The following FEZ1 variants were observed in gnomAD, a reference collection of about 807,000 sequenced individuals.
The protein encoded by FEZ1 is fasciculation and elongation protein zeta 1.
FEZ1 carries 20 observed loss-of-function variants against 49.3 expected under a neutral mutation model. That is an observed-to-expected ratio of 0.41 (90% CI 0.29 to 0.59). The LOEUF is 0.59. Ranked by LOEUF, FEZ1 falls within the 20% of genes least tolerant of loss-of-function variation. The pLI is 0.36. For missense variants in FEZ1, 413 were observed against 476.0 expected (o/e 0.87, Z 1.23); for synonymous variants, 170 against 180.9 (o/e 0.94, Z 0.48).
chr11:125,455,866 C>T lies in FEZ1; in HGVS notation c.908G>A (p.Arg303Gln), dbSNP rs559483840. The stretch of plus-strand genomic sequence containing the variant: ...AGGCATCTGGTTTCCCTTCTCTATC[C>T]GGCTGCTCTGCAGGCTCAGCCCTTT... ...KEKGLSLQSS[R>Q]IEKGNQMPLK... is the part of the protein sequence containing the mutation. The change falls in exon 6 of 10, where the codon CGG becomes CAG. Residue 303 changes from arginine (R) to glutamine (Q), a missense_variant. Arg to Gln is a conservative substitution (Grantham distance 43, BLOSUM62 1). Coordinates refer to ENST00000278919, the MANE Select transcript of FEZ1 (RefSeq NM_005103.5). 37 of 1,613,832 alleles carry T rather than the reference C, an allele frequency of 2.3e-5. No individual in the cohort carries two copies. Among genetic ancestry groups the T allele is most frequent in the Admixed American group, 1.0e-4 (6 of 59,968 alleles).
chr11:125,495,676 TC>T lies in FEZ1; in HGVS notation c.-46+444del. ...TTACGGTGACTGGACCAGATAACGG[TC>T]CCGGGACGAGGTACCGACCCACTGC... On this transcript the variant is annotated intron_variant, in intron 1 of 9. Coordinates refer to ENST00000278919, the MANE Select transcript of FEZ1 (RefSeq NM_005103.5). This position sits in a 1 kb window ranked among gnomAD's most constrained non-coding sequence, Gnocchi z 4.2. 5.2e-6 allele frequency: 2 copies of T among 387,514 alleles called. No individual in the cohort carries two copies. 24.0% of individuals were successfully genotyped at this position (387,514 alleles called of 1,614,324 possible).
intron 4 of FEZ1, among the ~76,000 whole-genome samples, chr11:125,461,621 A>C (rs1002862221): frequency 1.9e-4 from 29 of 152,192 alleles, no homozygotes; most frequent in East Asian, 3.9e-4. Context: ...ACAACAACAA[A>C]AAAAAGAGTG....
At position 125,460,682 on chromosome 11, in the gene FEZ1, G is replaced by A. The variant is rs372437269; in HGVS notation, c.499-16C>T. 280 of 1,610,872 alleles carry A rather than the reference G, an allele frequency of 1.7e-4. No individual in the cohort carries two copies. Among genetic ancestry groups the A allele is most frequent in the Non-Finnish European group, 2.2e-4 (261 of 1,178,962 alleles). ...CCTCAATTACCTGAAGAAGGTACAC[G>A]AGAGAGTGCTAACTCTGTTCTCTGC... On this transcript the variant is annotated splice_polypyrimidine_tract_variant and intron_variant, in intron 4 of 9. Transcript: ENST00000278919.
chr11:125,457,709 C>A (rs1161459967), intron 5 of FEZ1, among the ~76,000 whole-genome samples: 3 of 151,678 alleles, frequency 2.0e-5, no homozygotes, highest in African/African-American at 7.3e-5. Context: ...ACATGCAATG[C>A]ATAATAATCA....
At chr11:125,490,237 C>A (rs1957368347) in intron 1 of FEZ1, among the ~76,000 whole-genome samples, 1 of 152,174 alleles carries the variant, frequency 6.6e-6, no homozygotes, top group Admixed American at 6.5e-5. Flanking sequence ...ACTATGTGAT[C>A]TGAAAGCTGA....
At chr11:125,475,715 A>T (rs917957826) in intron 3 of FEZ1, among the ~76,000 whole-genome samples, 1 of 152,086 alleles carries the variant, frequency 6.6e-6, no homozygotes, top group Non-Finnish European at 1.5e-5. Flanking sequence ...AAACCTGCAC[A>T]TGTACCCCTG....
At chr11:125,480,157 C>T (rs980476871) in intron 3 of FEZ1, among the ~76,000 whole-genome samples, 5 of 152,140 alleles carry the variant, frequency 3.3e-5, no homozygotes, top group Middle Eastern at 3.2e-3. Context: ...GGGTGGATTG[C>T]TTGAGCTCAG....
intron 2 of FEZ1, among the ~76,000 whole-genome samples, chr11:125,488,258 C>A (rs1318715896): frequency 6.6e-6 from 1 of 152,186 alleles, no homozygotes; most frequent in Non-Finnish European, 1.5e-5. Context: ...TTGCTGTGAG[C>A]TGTTGTTAGT....
Position 125,489,493 on chromosome 11 carries a change from C to T in FEZ1, c.285G>A (p.Glu95=), listed in dbSNP as rs1555042952. 1.2e-6 allele frequency: 2 copies of T among 1,613,834 alleles called. No homozygotes were observed. The highest frequency in any genetic ancestry group is 2.2e-5 in the East Asian group (1 of 44,884). Reference sequence around the variant, plus strand: ...CCTCGTCCTGAAGGGTCTCCTCCTCCTCTTGGATCTGTAACTGGTTCTTCA... The same window carrying T: ...CCTCGTCCTGAAGGGTCTCCTCCTCTTCTTGGATCTGTAACTGGTTCTTCA... The part of the protein sequence containing the change: ...APVKNQLQIQ[E]EEETLQDEEV... The change falls in exon 2 of 10, where the codon GAG becomes GAA. Residue 95 remains glutamate, a synonymous_variant. Coordinates refer to ENST00000278919, the MANE Select transcript of FEZ1 (RefSeq NM_005103.5). This position sits in a 1 kb window ranked among gnomAD's most constrained non-coding sequence, Gnocchi z 4.2.
intron 3 of FEZ1, among the ~76,000 whole-genome samples, chr11:125,472,492 A>G (rs1404233835): frequency 6.6e-6 from 1 of 152,154 alleles, no homozygotes; most frequent in Non-Finnish European, 1.5e-5. Context: ...TGAATGTTCA[A>G]TACATTCAAT....
chr11:125,447,008 G>T (rs1471447950), intron 9 of FEZ1, among the ~76,000 whole-genome samples: 1 of 152,094 alleles, frequency 6.6e-6, no homozygotes, highest in Non-Finnish European at 1.5e-5. Flanking sequence ...CCACAAATAT[G>T]GTCCCTCTGC....
chr11:125,457,780 C>T (rs1396930621), intron 5 of FEZ1, among the ~76,000 whole-genome samples: 8 of 151,854 alleles, frequency 5.3e-5, no homozygotes, highest in Non-Finnish European at 1.0e-4. Context: ...ACAAACAATC[C>T]AATTATACTC....
chr11:125,468,450 A>T (rs1476713094), intron 3 of FEZ1, among the ~76,000 whole-genome samples: 3 of 152,138 alleles, frequency 2.0e-5, no homozygotes, highest in African/African-American at 4.8e-5. Context: ...TCAGCCTCCC[A>T]AAGTGCTGTG....
intron 5 of FEZ1, among the ~76,000 whole-genome samples, chr11:125,457,592 C>T (rs368251801): frequency 7.5e-6 from 1 of 133,228 alleles, no homozygotes; most frequent in African/African-American, 2.8e-5. Context: ...TATCTTTTTG[C>T]GGCAGGGGAG....
chr11:125,485,383 A>G (rs954581652), intron 2 of FEZ1, among the ~76,000 whole-genome samples: 5 of 152,116 alleles, frequency 3.3e-5, no homozygotes, highest in Admixed American at 3.3e-4. Flanking sequence ...GGACACGTGT[A>G]CAAAGAACTC....
intron 5 of FEZ1, among the ~76,000 whole-genome samples, chr11:125,456,505 A>G (rs1957012463): frequency 6.6e-6 from 1 of 152,238 alleles, no homozygotes; most frequent in Non-Finnish European, 1.5e-5. Flanking sequence ...GAAGAGCAAT[A>G]GAGACGTTGG....
chr11:125,449,026 C>A (rs1250402856), intron 8 of FEZ1, among the ~76,000 whole-genome samples: 1 of 151,912 alleles, frequency 6.6e-6, no homozygotes, highest in Admixed American at 6.6e-5. Flanking sequence ...AGGTAGTGGA[C>A]CTACTGGTGA....
At chr11:125,490,713 A>ATTTT (rs1565305792) in intron 1 of FEZ1, among the ~76,000 whole-genome samples, 2 of 151,074 alleles carry the variant, frequency 1.3e-5, no homozygotes, top group Admixed American at 6.6e-5. Flanking sequence ...ATTTTTTTAA[A>ATTTT]AAAACTAATA....
chr11:125,455,206 C>G (rs1487995382), intron 6 of FEZ1, among the ~76,000 whole-genome samples: 1 of 151,980 alleles, frequency 6.6e-6, no homozygotes, highest in Non-Finnish European at 1.5e-5. Context: ...GCCTGGCCAA[C>G]ATGGTGAAAC....
Sources: gnomAD v4.1 joint callset for allele counts (sites outside exome capture counted in the v4.1 genomes callset) on GRCh38, gnomAD v4.1.1 for gene constraint, Gnocchi (gnomAD v3.1) non-coding constraint, MANE v1.5 for transcripts, NCBI Gene and HGNC (gene_info 2026-07-23, HGNC 2026-07-21) for gene names.